The following ABCC4 variants were observed in gnomAD, a reference collection of about 807,000 sequenced individuals.
ABCC4 encodes the protein ATP binding cassette subfamily C member 4 (PEL blood group).
In ABCC4, 102 loss-of-function variants were observed where a neutral mutation model predicts 168.5. That is an observed-to-expected ratio of 0.61 (90% confidence interval 0.52 to 0.71). ABCC4 has a LOEUF of 0.71. ABCC4 is among the 30% of genes least tolerant of loss of function. ABCC4 has a pLI of 0.00. For synonymous variants in ABCC4, 617 were observed against 590.7 expected, an observed-to-expected ratio of 1.04 and a Z score of -0.65; for missense variants, 1,402 against 1,605.8, an observed-to-expected ratio of 0.87 and a Z score of 2.17.
rs1020652254 is a variant in ABCC4 at position 95,281,905 on chromosome 13, G to A, written c.74+19336C>T. 5.3e-5 allele frequency among the ~76,000 whole-genome samples: 8 copies of A among 152,112 alleles called. No homozygotes were observed. The South Asian group carries it at 1.0e-3, about 20-fold the overall frequency. On this transcript the variant is annotated intron_variant, in intron 1 of 30. Transcript: ENST00000645237. Reference sequence around the variant, plus strand: ...GCAGATCACCTGAGGTTAGGAGTTCGAGACCAGGCTGGCCAACATGGCAAA... The same window carrying A: ...GCAGATCACCTGAGGTTAGGAGTTCAAGACCAGGCTGGCCAACATGGCAAA...
intron 1 of ABCC4, among the ~76,000 whole-genome samples, chr13:95,268,726 T>C (rs1037369528): frequency 6.6e-6 from 1 of 152,156 alleles, no homozygotes. Context: ...CAGAGACATT[T>C]GTTCACATGT....
intron 1 of ABCC4, among the ~76,000 whole-genome samples, chr13:95,255,593 A>C (rs1236575572): frequency 1.3e-5 from 2 of 152,150 alleles, no homozygotes; most frequent in African/African-American, 4.8e-5. Context: ...GCACCTGTAA[A>C]GCTGTGATCT....
intron 19 of ABCC4, among the ~76,000 whole-genome samples, chr13:95,154,893 G>C (rs1269249365): frequency 6.6e-6 from 1 of 152,184 alleles, no homozygotes; most frequent in East Asian, 1.9e-4. Context: ...CATTTGAACT[G>C]AATAAACAGA....
intron 20 of ABCC4, among the ~76,000 whole-genome samples, chr13:95,112,624 C>T (rs1401050300): frequency 1.3e-5 from 2 of 152,122 alleles, no homozygotes; most frequent in African/African-American, 4.8e-5. Context: ...TACGTAGTTC[C>T]CCTGTCGATC....
intron 20 of ABCC4, among the ~76,000 whole-genome samples, chr13:95,094,375 G>A (rs999093134): frequency 2.0e-5 from 3 of 151,274 alleles, no homozygotes; most frequent in African/African-American, 7.3e-5. Context: ...ATACTTAACC[G>A]CCAACTGATA....
rs1189513900 is a variant in ABCC4 at position 95,236,595 on chromosome 13, C to T, written c.307-1761G>A. ...GCCTGTCTCGGCATGTGAACGCGCG[C>T]GTGCGCGCACACACACACACACACA... On this transcript the variant is annotated intron_variant, in intron 3 of 30. Transcript: ENST00000645237. 6.1e-5 allele frequency among the ~76,000 whole-genome samples: 6 copies of T among 98,192 alleles called. No individual in the cohort carries two copies. The South Asian group carries it at 1.5e-3, about 25-fold the overall frequency. 64.4% of individuals were successfully genotyped at this position (98,192 alleles called of 152,430 possible).
In ABCC4 at chr13:95,240,028, C is replaced by G. The variant is rs192608732; in HGVS notation, c.307-5194G>C. ...AGTGGCAGGTGGTACACACCCTCAC[C>G]TACAAAGTACTCTTGCCAAAGGGAG... On this transcript the variant is annotated intron_variant, in intron 3 of 30. Transcript: ENST00000645237. Among the ~76,000 whole-genome samples the G allele has an allele frequency of 8.3e-3, 1,261 of 152,302 alleles. 20 individuals are homozygous for G. Among genetic ancestry groups the G allele is most frequent in the African/African-American group, 0.029 (1,199 of 41,564 alleles).
intron 4 of ABCC4, among the ~76,000 whole-genome samples, chr13:95,213,756 TGACA>T (rs1204943171): frequency 1.3e-5 from 2 of 152,276 alleles, no homozygotes; most frequent in African/African-American, 4.8e-5. Context: ...ATTAACTGAT[TGACA>T]GACAGACAGA....
intron 19 of ABCC4, among the ~76,000 whole-genome samples, chr13:95,129,884 G>A (rs1253323974): frequency 1.3e-5 from 2 of 152,058 alleles, no homozygotes; most frequent in African/African-American, 2.4e-5. Flanking sequence ...AGACCAGCCT[G>A]GCCAACGTGG....
intron 8 of ABCC4, among the ~76,000 whole-genome samples, chr13:95,202,622 C>T (rs2038659922): frequency 6.8e-6 from 1 of 146,724 alleles, no homozygotes; most frequent in Admixed American, 6.8e-5. Context: ...TTATGCTGTG[C>T]ATGTGGGGAT....
chr13:95,032,335 T>TATC (rs1364133753), intron 30 of ABCC4, among the ~76,000 whole-genome samples: 4 of 152,224 alleles, frequency 2.6e-5, no homozygotes, highest in Admixed American at 6.5e-5. Context: ...ATCTGACACA[T>TATC]ATCATCATCA....
intron 1 of ABCC4, among the ~76,000 whole-genome samples, chr13:95,260,031 T>C (rs909721146): frequency 1.5e-4 from 23 of 152,130 alleles, no homozygotes; most frequent in Admixed American, 1.5e-3. Flanking sequence ...GAGTTAGAAA[T>C]GCAAATTCTC....
chr13:95,132,313 T>A (rs1383353868), intron 19 of ABCC4, among the ~76,000 whole-genome samples: 4 of 152,164 alleles, frequency 2.6e-5, no homozygotes, highest in Admixed American at 2.6e-4. Context: ...CCTCCTGGGT[T>A]CAAGTGATTC....
chr13:95,241,631 G>A (rs761945237), intron 3 of ABCC4, among the ~76,000 whole-genome samples: 2 of 152,018 alleles, frequency 1.3e-5, no homozygotes, highest in Non-Finnish European at 1.5e-5. Flanking sequence ...GGAAATTTGC[G>A]GGCTGTTCTG....
chr13:95,145,344 C>T (rs1006422286), intron 19 of ABCC4, among the ~76,000 whole-genome samples: 19 of 151,802 alleles, frequency 1.3e-4, no homozygotes, highest in Admixed American at 2.6e-4. Flanking sequence ...TGGCTGGACA[C>T]GGTGACTTAT....
intron 25 of ABCC4, among the ~76,000 whole-genome samples, chr13:95,067,984 T>C (rs1248713256): frequency 6.6e-6 from 1 of 152,246 alleles, no homozygotes; most frequent in African/African-American, 2.4e-5. Context: ...TTTTGGTTCA[T>C]TCTTTTTTAC....
rs56699954 is a variant in ABCC4 at position 95,196,373 on chromosome 13, G to A, written c.1162-1436C>T. ...GTTCAGCCCAACAGAAAGTGACAAC[G>A]TCCAGGAAACTTCCTATACAGTCTC... On this transcript the variant is annotated intron_variant, in intron 8 of 30. Coordinates refer to ENST00000645237, the MANE Select transcript of ABCC4 (RefSeq NM_005845.5). 3.2e-3 allele frequency among the ~76,000 whole-genome samples: 484 copies of A among 152,126 alleles called. 2 individuals carry two copies. Among genetic ancestry groups the A allele is most frequent in the African/African-American group, 0.01 (428 of 41,500 alleles).
rs199502383 is a variant in ABCC4 at position 95,143,054 on chromosome 13, AT to A, written c.2455+18134del. ...TATATAAATAAAACAAGGCAAAGAA[AT>A]TTTTCAGCTGGGGTCTCACCTGGAT... On this transcript the variant is annotated intron_variant, in intron 19 of 30. Coordinates refer to ENST00000645237, the MANE Select transcript of ABCC4 (RefSeq NM_005845.5). 3.5e-3 allele frequency among the ~76,000 whole-genome samples: 534 copies of A among 152,078 alleles called. 1 individual carries two copies. Among genetic ancestry groups the A allele is most frequent in the Middle Eastern group, 0.014 (4 of 294 alleles).
chr13:95,206,648 T>C lies in ABCC4; in HGVS notation c.1045A>G (p.Ser349Gly). 3.1e-6 allele frequency: 5 copies of C among 1,614,162 alleles called. No homozygotes were observed. The highest frequency in any genetic ancestry group is 4.2e-6 in the Non-Finnish European group (5 of 1,180,034). Residue 349 changes from serine (S) to glycine (G), a missense_variant, in exon 8 of 31, where the codon AGC (serine) becomes GGC (glycine). Physicochemically the swap from Ser to Gly is moderately conservative, Grantham distance 56. Coordinates refer to ENST00000645237, the MANE Select transcript of ABCC4 (RefSeq NM_005845.5). ...YVLLGSVITA[S>G]RVFVAVTLYG... ...AGCGTCACTGCCACGAACACGCGGCTGGCTGTGATCACACTGCCGAGGAGC... is the reference window on the plus strand; with the variant it reads ...AGCGTCACTGCCACGAACACGCGGCCGGCTGTGATCACACTGCCGAGGAGC...
Sources: allele counts gnomAD v4.1 joint callset (sites outside exome capture counted in the v4.1 genomes callset), GRCh38; gene constraint gnomAD v4.1.1; transcripts MANE v1.5; gene names NCBI Gene and HGNC (gene_info 2026-07-23, HGNC 2026-07-21).